The following RWDD2B variants were observed in gnomAD, a reference collection of about 807,000 sequenced individuals.
RWDD2B encodes the protein RWD domain containing 2B.
RWDD2B carries 36 observed loss-of-function variants against 33.6 expected under a neutral mutation model. The observed-to-expected ratio is 1.07, with a 90% CI of 0.82 to 1.42. RWDD2B has a LOEUF of 1.42. Among genes scored for constraint, RWDD2B ranks in the 40% most tolerant of loss-of-function variants. RWDD2B has a pLI of 0.00. For synonymous variants in RWDD2B, 126 were observed against 133.1 expected, an observed-to-expected ratio of 0.95 and a Z score of 0.37; for missense variants, 364 against 377.5, an observed-to-expected ratio of 0.96 and a Z score of 0.30.
chr21:29,010,748 G>A (rs375141947), intron 1 of RWDD2B, among the ~76,000 whole-genome samples: 1 of 151,428 alleles, frequency 6.6e-6, no homozygotes, highest in South Asian at 2.1e-4. Flanking sequence ...CTGCCATCTC[G>A]GCTCACTGCA....
At position 29,006,212 on chromosome 21, in the gene RWDD2B, T is replaced by G; in HGVS notation, c.*205A>C. The G allele has an allele frequency of 2.3e-6, 1 of 437,668 alleles. No homozygotes were observed. Among genetic ancestry groups the G allele is most frequent in the Non-Finnish European group, 4.1e-6 (1 of 246,806 alleles). 27.1% of individuals were successfully genotyped at this position (437,668 alleles called of 1,614,324 possible). A position where few individuals can be genotyped will look rare whatever the true frequency, so the allele number is the denominator to read the frequency against. On this transcript the variant is annotated 3_prime_UTR_variant, in exon 5 of 5. Transcript: ENST00000493196. ...ATGTGAAGAAATATCTAACAACAAT[T>G]TTAAGGTTGTAATTTGAAACTCAGT...
chr21:29,007,936 C>A lies in RWDD2B; in HGVS notation c.550G>T (p.Asp184Tyr), dbSNP rs1198667866. 1 of 1,614,194 alleles carries A rather than the reference C, an allele frequency of 6.2e-7. No individual in the cohort carries two copies. The highest frequency in any genetic ancestry group is 8.5e-7 in the Non-Finnish European group (1 of 1,180,046). The change falls in exon 4 of 5, where the codon GAC becomes TAC. Residue 184 changes from aspartate to tyrosine, a missense_variant. Transcript: ENST00000493196. ...PTTGSTVQSV[D>Y]LIFTRLWIYS... ...ATCCAGAGTCTCGTGAAGATGAGGT[C>A]AACTGACTGGACTGTGCTTCCTGTG...
In RWDD2B at chr21:29,017,601, G is replaced by C. The variant is rs988531628; in HGVS notation, c.67+1610C>G. Among the ~76,000 whole-genome samples the C allele has an allele frequency of 3.3e-5, 5 of 151,968 alleles. No individual in the cohort carries two copies. The East Asian group carries it at 9.7e-4, about 29-fold the overall frequency. ...CACTCCAGCCAGAGCAACAGAGCAA[G>C]ACTGTCTCAAAAAAAAACAAAAAAG... is the stretch of plus-strand genomic sequence containing the variant. On this transcript the variant is annotated intron_variant, in intron 1 of 4. Coordinates refer to ENST00000493196, the MANE Select transcript of RWDD2B (RefSeq NM_016940.3).
intron 1 of RWDD2B, among the ~76,000 whole-genome samples, chr21:29,011,006 C>A (rs2084855253): frequency 2.0e-5 from 3 of 152,162 alleles, no homozygotes; most frequent in Non-Finnish European, 4.4e-5. Context: ...GTGGCGTGAT[C>A]TCGGCTCGCT....
chr21:29,012,125 C>T (rs1316336657), intron 1 of RWDD2B, among the ~76,000 whole-genome samples: 2 of 142,260 alleles, frequency 1.4e-5, no homozygotes, highest in African/African-American at 5.2e-5. Context: ...GTTGGGGGGT[C>T]AGCCCCCCGC....
At chr21:29,014,316 G>A (rs2084879199) in intron 1 of RWDD2B, among the ~76,000 whole-genome samples, 1 of 152,156 alleles carries the variant, frequency 6.6e-6, no homozygotes, top group South Asian at 2.1e-4. Context: ...CCTGTTCTTT[G>A]GGAACTTTTT....
In RWDD2B at chr21:29,019,303, A is replaced by G; in HGVS notation, c.-26T>C. 1 of 1,563,358 alleles carries G rather than the reference A, an allele frequency of 6.4e-7. No homozygotes were observed. The highest frequency in any genetic ancestry group is 8.7e-7 in the Non-Finnish European group (1 of 1,146,850). ...CAGAAGGGAGCCTCAAAATTCTAGCATACTGCGACCCAAAACTTACAAACC... is the reference window on the plus strand; with the variant it reads ...CAGAAGGGAGCCTCAAAATTCTAGCGTACTGCGACCCAAAACTTACAAACC... On this transcript the variant is annotated 5_prime_UTR_variant, in exon 1 of 5. An upstream start codon of the reference 5' UTR is lost. Coordinates refer to ENST00000493196, the MANE Select transcript of RWDD2B (RefSeq NM_016940.3).
chr21:29,014,259 T>C (rs2084878952), intron 1 of RWDD2B, among the ~76,000 whole-genome samples: 1 of 152,166 alleles, frequency 6.6e-6, no homozygotes, highest in African/African-American at 2.4e-5. Context: ...ACTCCCACAA[T>C]AACTAACCCA....
intron 4 of RWDD2B, 73 bp from the exon 5 acceptor site, chr21:29,006,724 C>T: frequency 1.2e-6 from 1 of 846,306 alleles, no homozygotes; most frequent in Non-Finnish European, 1.8e-6. Flanking sequence ...AGTTATAAAA[C>T]AGATTTATCA....
chr21:29,014,131 G>A lies in RWDD2B; in HGVS notation c.67+5080C>T. On this transcript the variant is annotated intron_variant, in intron 1 of 4. Transcript: ENST00000493196. ...AGGGAAATCCAAGAGAATGGTGCCT[G>A]CATTTTGCAAGGGCATTCTTACTGA... Among the ~76,000 whole-genome samples the A allele has an allele frequency of 1.3e-5, 2 of 152,188 alleles. 1 individual carries two copies. The highest frequency in any genetic ancestry group is 3.8e-4 in the East Asian group (2 of 5,208).
intron 1 of RWDD2B, among the ~76,000 whole-genome samples, chr21:29,012,476 C>T (rs2084869231): frequency 6.6e-6 from 1 of 151,990 alleles, no homozygotes; most frequent in African/African-American, 2.4e-5. Context: ...ACCTTACCCC[C>T]AACCCTGTGC....
At chr21:29,013,046 T>TC (rs1354126037) in intron 1 of RWDD2B, among the ~76,000 whole-genome samples, 3 of 150,616 alleles carry the variant, frequency 2.0e-5, no homozygotes, top group Non-Finnish European at 4.4e-5. Flanking sequence ...GTCCTAATAC[T>TC]CTTTTTTTTT....
rs780362958 is a variant in RWDD2B, at chr21:29,019,324, A to T, written c.-47T>A. 5.7e-6 allele frequency: 8 copies of T among 1,412,768 alleles called. No homozygotes were observed. 87.5% of individuals were successfully genotyped at this position (1,412,768 alleles called of 1,614,324 possible). A position where few individuals can be genotyped will look rare whatever the true frequency, so the allele number is the denominator to read the frequency against. On this transcript the variant is annotated 5_prime_UTR_variant, in exon 1 of 5. Transcript: ENST00000493196. ...TAGCATACTGCGACCCAAAACTTACAAACCGCCTCAGCTGGCGACCTACCG... is the reference window on the plus strand; with the variant it reads ...TAGCATACTGCGACCCAAAACTTACTAACCGCCTCAGCTGGCGACCTACCG...
chr21:29,006,738 C>T, intron 4 of RWDD2B, 87 bp from the exon 5 acceptor site: 7 of 742,288 alleles, frequency 9.4e-6, no homozygotes, highest in Non-Finnish European at 1.5e-5. Context: ...TTTATCAATG[C>T]CTTTTCCTAG....
intron 1 of RWDD2B, chr21:29,009,818 A>C (rs1275737385): frequency 6.6e-6 from 1 of 152,180 alleles, no homozygotes; most frequent in Admixed American, 6.6e-5. Flanking sequence ...TATGTGAAAA[A>C]TGCTGGTATA....
Position 29,006,546 on chromosome 21 carries a change from AAAAAT to A in RWDD2B, c.826_830del (p.Ile276Ter), listed in dbSNP as rs2084829639. ...CATTAACACTGAACACTTTTTCTTC[AAAAAT>A]GGAAAATTTCCTTTGTCTTTCCGTT... On this transcript the variant is annotated frameshift_variant, in exon 5 of 5. Transcript: ENST00000493196. LOFTEE classifies it high-confidence loss of function. The A allele has an allele frequency of 6.2e-7, 1 of 1,613,876 alleles. No individual in the cohort carries two copies. Among genetic ancestry groups the A allele is most frequent in the East Asian group, 2.2e-5 (1 of 44,882 alleles).
At position 29,011,700 on chromosome 21, in the gene RWDD2B, G is replaced by T. The variant is rs1249712615; in HGVS notation, c.68-3079C>A. On this transcript the variant is annotated intron_variant, in intron 1 of 4. Transcript: ENST00000493196. ...CGGGAGGTGAGGGGCGCCTCTGCCC[G>T]GCCGCCCCTACTGGGAAGTGAGGAG... is the stretch of plus-strand genomic sequence containing the variant. 4.8e-3 allele frequency among the ~76,000 whole-genome samples: 556 copies of T among 114,726 alleles called. 2 individuals are homozygous for T. The highest frequency in any genetic ancestry group is 0.018 in the African/African-American group (525 of 29,948). The allele number at this position is 114,726 out of a possible 152,430, so 75.3% of individuals were successfully genotyped here. A position where few individuals can be genotyped will look rare whatever the true frequency, so the allele number is the denominator to read the frequency against.
intron 1 of RWDD2B, among the ~76,000 whole-genome samples, chr21:29,015,651 T>C (rs2084886771): frequency 6.6e-6 from 1 of 151,202 alleles, no homozygotes; most frequent in African/African-American, 2.4e-5. Flanking sequence ...TGCCTCAGCC[T>C]CCCGAATAGC....
In RWDD2B at chr21:29,008,695, T is replaced by C. The variant is rs973935742; in HGVS notation, c.68-74A>G. On this transcript the variant is annotated intron_variant, in intron 1 of 4. Coordinates refer to ENST00000493196, the MANE Select transcript of RWDD2B (RefSeq NM_016940.3). ...GAAATGAATACATCAACATGTGTAC[T>C]TACTAAAATTGTACTTGGTTTCTTC... is the stretch of plus-strand genomic sequence containing the variant. The C allele has an allele frequency of 2.5e-5, 23 of 918,480 alleles. No homozygotes were observed. In the East Asian group the frequency reaches 5.7e-4, roughly 23 times the overall value. The allele number at this position is 918,480 out of a possible 1,614,324, so 56.9% of individuals were successfully genotyped here. A position where few individuals can be genotyped will look rare whatever the true frequency, so the allele number is the denominator to read the frequency against.
Sources: allele counts gnomAD v4.1 joint callset (sites outside exome capture counted in the v4.1 genomes callset), GRCh38; gene constraint gnomAD v4.1.1; transcripts MANE v1.5; gene names NCBI Gene and HGNC (gene_info 2026-07-23, HGNC 2026-07-21).